The following METTL22 variants were observed in gnomAD, a reference collection of about 807,000 sequenced individuals.
METTL22 encodes the protein methyltransferase 22, Kin17 lysine, also known as methyltransferase-like protein 22.
A neutral mutation model predicts 48.4 loss-of-function variants in METTL22; 51 were observed. The ratio of observed to expected loss-of-function variants is 1.05; its 90% CI spans 0.84 to 1.33. The LOEUF (loss-of-function observed/expected upper bound fraction) is 1.33. Among genes scored for constraint, METTL22 ranks in the 40% most tolerant of loss-of-function variants. The pLI, the probability that METTL22 is intolerant of heterozygous loss-of-function variation, is 0.00. For synonymous variants in METTL22, 255 were observed against 214.1 expected, an observed-to-expected ratio of 1.19 and a Z score of -1.67; for missense variants, 678 against 526.9, an observed-to-expected ratio of 1.29 and a Z score of -2.81.
chr16:8,663,545 G>A, the METTL22 span, among the ~76,000 whole-genome samples: 3,133 of 108,944 alleles, frequency 0.029, 52 homozygotes, highest in African/African-American at 0.06. Flanking sequence ...TCAAGAGGGG[G>A]CCCCACCCAG....
the METTL22 span, among the ~76,000 whole-genome samples, chr16:8,659,202 GC>G: frequency 6.6e-6 from 1 of 151,754 alleles, no homozygotes; most frequent in Non-Finnish European, 1.5e-5. Context: ...ACAGTGGTGT[GC>G]CCCTGTAGTC....
chr16:8,646,901 A>T lies in METTL22; in HGVS notation c.*758A>T. 1 of 353,760 alleles carries T rather than the reference A, an allele frequency of 2.8e-6. No individual in the cohort carries two copies. The highest frequency in any genetic ancestry group is 5.6e-6 in the Non-Finnish European group (1 of 179,394). 21.9% of individuals were successfully genotyped at this position (353,760 alleles called of 1,614,324 possible). ...GTCTGTCTGGTTTTTTATCTTCTCC[A>T]TCTGTGCCTCTCTCCTCCCATCTCC... On this transcript the variant is annotated 3_prime_UTR_variant, in exon 11 of 11. Coordinates refer to ENST00000381920, the MANE Select transcript of METTL22 (RefSeq NM_024109.4).
intron 3 of METTL22, among the ~76,000 whole-genome samples, chr16:8,630,957 C>A (rs191153981): frequency 1.3e-5 from 2 of 152,242 alleles, no homozygotes; most frequent in Admixed American, 1.3e-4. Flanking sequence ...TCCATCTTCA[C>A]AAGCCAGGTG....
the METTL22 span, among the ~76,000 whole-genome samples, chr16:8,663,701 A>G: frequency 6.6e-6 from 1 of 152,206 alleles, no homozygotes; most frequent in Admixed American, 6.5e-5. Flanking sequence ...TCCATTTTAC[A>G]GATGAAGCAA....
At chr16:8,653,775 C>G (rs1394165252), downstream of METTL22, among the ~76,000 whole-genome samples, 4 of 152,080 alleles carry the variant, frequency 2.6e-5, no homozygotes, top group Non-Finnish European at 5.9e-5. Context: ...ACCTGCTTCC[C>G]CATCATTTCC....
At chr16:8,646,023 C>T (rs2056788903) in intron 10 of METTL22, 85 bp from the exon 11 acceptor site, 1 of 1,597,298 alleles carries the variant, frequency 6.3e-7, no homozygotes, top group Non-Finnish European at 8.5e-7. Context: ...TAACTACTCT[C>T]CTTGGTGAAT....
chr16:8,625,494 A>G lies in METTL22; in HGVS notation c.-170-2A>G. 3 of 480,032 alleles carry G rather than the reference A, an allele frequency of 6.2e-6. No homozygotes were observed. Among genetic ancestry groups the G allele is most frequent in the Non-Finnish European group, 1.1e-5 (3 of 274,822 alleles). The allele number at this position is 480,032 out of a possible 1,614,324, so 29.7% of individuals were successfully genotyped here. On this transcript the variant is annotated splice_acceptor_variant, in intron 1 of 10. Transcript: ENST00000381920. LOFTEE classifies it low-confidence loss of function (5UTR_SPLICE). Reference sequence around the variant, plus strand: ...TAAACAAAATAACGCATTAATTTCCAGCTGGATTCTCTTCCCTGGCCAAGT... The same window carrying G: ...TAAACAAAATAACGCATTAATTTCCGGCTGGATTCTCTTCCCTGGCCAAGT...
At chr16:8,626,967 C>A (rs1051378256) in intron 2 of METTL22, among the ~76,000 whole-genome samples, 1 of 151,638 alleles carries the variant, frequency 6.6e-6, no homozygotes, top group African/African-American at 2.4e-5. Context: ...CAGGGTTTCA[C>A]CGTGTTAACC....
intron 9 of METTL22, among the ~76,000 whole-genome samples, chr16:8,644,123 CT>C (rs2056708558): frequency 5.3e-5 from 8 of 152,074 alleles, no homozygotes; most frequent in Non-Finnish European, 1.2e-4. Context: ...GCAGTTTTCT[CT>C]CTGTTCTCTG....
At chr16:8,634,073 G>A (rs540217416) in intron 3 of METTL22, among the ~76,000 whole-genome samples, 46 of 152,338 alleles carry the variant, frequency 3.0e-4, no homozygotes, top group African/African-American at 1.1e-3. Flanking sequence ...TATTAAAAGT[G>A]CCTTGTAAGC....
At chr16:8,655,663 GC>G in the METTL22 span, among the ~76,000 whole-genome samples, 3 of 152,234 alleles carry the variant, frequency 2.0e-5, no homozygotes, top group South Asian at 4.1e-4. Flanking sequence ...CAAGAGAGAT[GC>G]AAAGGACACA....
At chr16:8,659,202 G>A in the METTL22 span, among the ~76,000 whole-genome samples, 40,014 of 151,788 alleles carry the variant, frequency 0.26, 6,389 homozygotes, top group African/African-American at 0.46. Flanking sequence ...ACAGTGGTGT[G>A]CCCCTGTAGT....
In METTL22 at chr16:8,646,468, G is replaced by T. The variant is rs1161221590; in HGVS notation, c.*325G>T. 2 of 586,438 alleles carry T rather than the reference G, an allele frequency of 3.4e-6. No homozygotes were observed. The highest frequency in any genetic ancestry group is 6.4e-6 in the Non-Finnish European group (2 of 311,336). 36.3% of individuals were successfully genotyped at this position (586,438 alleles called of 1,614,324 possible). A position where few individuals can be genotyped will look rare whatever the true frequency, so the allele number is the denominator to read the frequency against. ...ATTTCAGCTGTGTGCTTTACTTGCG[G>T]TTGCGGCCCTGGCTGTGAGGTGGAT... On this transcript the variant is annotated 3_prime_UTR_variant, in exon 11 of 11. Transcript: ENST00000381920.
chr16:8,637,228 T>C (rs2056450207), intron 5 of METTL22, among the ~76,000 whole-genome samples: 1 of 152,202 alleles, frequency 6.6e-6, no homozygotes, highest in African/African-American at 2.4e-5. Context: ...AAGCTAGAGA[T>C]CACCAGTCCC....
At chr16:8,628,302 A>G (rs1004158959) in intron 2 of METTL22, among the ~76,000 whole-genome samples, 1 of 152,220 alleles carries the variant, frequency 6.6e-6, no homozygotes, top group Non-Finnish European at 1.5e-5. Context: ...TGAATGGATG[A>G]TCGGACAGAT....
chr16:8,626,104 T>A (rs1178582187), intron 2 of METTL22, among the ~76,000 whole-genome samples: 1 of 151,978 alleles, frequency 6.6e-6, no homozygotes, highest in Non-Finnish European at 1.5e-5. Flanking sequence ...TCAAGTGATC[T>A]TCCTTCCCCT....
rs753604228 is a variant in METTL22, at chr16:8,628,941, G to A, written c.345G>A (p.Gln115=). The stretch of plus-strand genomic sequence containing the variant: ...CTGGCCAGGAAGTGGCTGAAGCTCA[G>A]CTGGATGAGGATGGGGATTTGGACG... The part of the protein sequence containing the change: ...DTTGQEVAEA[Q]LDEDGDLDVV... The change falls in exon 3 of 11, where the codon CAG becomes CAA. Residue 115 remains glutamine, a synonymous_variant. Coordinates refer to ENST00000381920, the MANE Select transcript of METTL22 (RefSeq NM_024109.4). 1.6e-5 allele frequency: 26 copies of A among 1,614,004 alleles called. 1 individual carries two copies. The South Asian group carries it at 2.7e-4, about 17-fold the overall frequency.
At chr16:8,659,706 T>C in the METTL22 span, among the ~76,000 whole-genome samples, 4 of 151,152 alleles carry the variant, frequency 2.6e-5, no homozygotes, top group East Asian at 1.9e-4. Context: ...ATTGATTAAA[T>C]TGATTAGGGC....
At chr16:8,634,627 G>T (rs1226947586) in intron 3 of METTL22, among the ~76,000 whole-genome samples, 1 of 152,074 alleles carries the variant, frequency 6.6e-6, no homozygotes, top group Non-Finnish European at 1.5e-5. Context: ...CTCAGTATAA[G>T]AAAATACTTT....
Sources: gnomAD v4.1 joint callset for allele counts (sites outside exome capture counted in the v4.1 genomes callset) on GRCh38, gnomAD v4.1.1 for gene constraint, MANE v1.5 for transcripts, NCBI Gene and HGNC (gene_info 2026-07-23, HGNC 2026-07-21) for gene names.